Variants in PLA2R1 observed in about 807,000 individuals in gnomAD.
The protein encoded by PLA2R1 is phospholipase A2 receptor 1.
PLA2R1 carries 158 observed loss-of-function variants against 195.9 expected under a neutral mutation model. The ratio of observed to expected loss-of-function variants is 0.81; its 90% CI spans 0.71 to 0.92. The LOEUF (loss-of-function observed/expected upper bound fraction) is 0.92, where lower values mean the gene tolerates loss of function less well. Among genes scored for constraint, PLA2R1 ranks in the 40% least tolerant of loss-of-function variants. The pLI is 0.00. For missense variants in PLA2R1, 1,626 were observed against 1,764.6 expected (o/e 0.92, Z 1.41); for synonymous variants, 586 against 598.2 (o/e 0.98, Z 0.30).
At chr2:159,929,787 GTATATGTATATGTATATATC>G (rs1455629244), downstream of PLA2R1, among the ~76,000 whole-genome samples, 1 of 150,368 alleles carries the variant, frequency 6.7e-6, no homozygotes, top group Non-Finnish European at 1.5e-5. Context: ...TAAAGAAATT[GTATATGTATATGTATATATC>G]TATATGTATA....
In PLA2R1 at chr2:160,013,369, C is replaced by T. The variant is rs771556777; in HGVS notation, c.1558G>A (p.Glu520Lys). The T allele has an allele frequency of 6.3e-7, 1 of 1,584,312 alleles. No homozygotes were observed. Among genetic ancestry groups the T allele is most frequent in the Non-Finnish European group, 8.7e-7 (1 of 1,154,440 alleles). ...TTGTAACAGAATCCACCATGTCTCT[C>T]CCATCCCTTAAAAAGAATAAAAGGG... ...DAESGCQEGW[E>K]RHGGFCYKID... Residue 520 changes from glutamate (E) to lysine (K), a missense_variant, in exon 10 of 30, where the codon GAG becomes AAG. Coordinates refer to ENST00000283243, the MANE Select transcript of PLA2R1 (RefSeq NM_007366.5).
In PLA2R1 at chr2:159,940,966, A is replaced by G. The variant is rs1687057936; in HGVS notation, c.*812T>C. On this transcript the variant is annotated 3_prime_UTR_variant, in exon 30 of 30. Transcript: ENST00000283243. Reference sequence around the variant, plus strand: ...ATTTTATATATTTAGTTTTTCAGAAAGTCCATGAGTTTTAACAGTACAACT... The same window carrying G: ...ATTTTATATATTTAGTTTTTCAGAAGGTCCATGAGTTTTAACAGTACAACT... 1.3e-5 allele frequency: 2 copies of G among 152,178 alleles called. No individual in the cohort carries two copies. The highest frequency in any genetic ancestry group is 4.8e-5 in the African/African-American group (2 of 41,446). 9.4% of individuals were successfully genotyped at this position (152,178 alleles called of 1,614,324 possible).
At chr2:160,032,654 G>A (rs1693928670) in intron 4 of PLA2R1, among the ~76,000 whole-genome samples, 1 of 152,306 alleles carries the variant, frequency 6.6e-6, no homozygotes, top group East Asian at 1.9e-4. Flanking sequence ...AGAAGAGCAA[G>A]CAAATAGCCC....
Position 160,012,293 on chromosome 2 carries a change from C to T in PLA2R1, c.1664+970G>A, listed in dbSNP as rs114173683. Among the ~76,000 whole-genome samples, 918 of 152,262 alleles carry T rather than the reference C, an allele frequency of 6.0e-3. 3 individuals are homozygous for T. The highest frequency in any genetic ancestry group is 0.013 in the South Asian group (63 of 4,808). ...AGTTCTACCCCGCTTCTGTCTTCCC[C>T]AGGAGGAGTGGGTCTCCCAGGTGTT... On this transcript the variant is annotated intron_variant, in intron 10 of 29. Coordinates refer to ENST00000283243, the MANE Select transcript of PLA2R1 (RefSeq NM_007366.5).
chr2:159,944,909 C>A lies in PLA2R1; in HGVS notation c.4141G>T (p.Ala1381Ser), dbSNP rs1483736953. 1 of 1,609,546 alleles carries A rather than the reference C, an allele frequency of 6.2e-7. No homozygotes were observed. The highest frequency in any genetic ancestry group is 1.3e-5 in the African/African-American group (1 of 74,774). ...EKKGFICKME[A>S]DIHTAEALPE... The stretch of plus-strand genomic sequence containing the variant: ...ATTACTCTCTGACTTTACCTACCTG[C>A]CTCCATTTTACATATAAAGCCTTTT... The change falls in exon 28 of 30, where the codon GCA becomes TCA. Residue 1381 changes from alanine to serine, a missense_variant. By Grantham distance (99) the Ala-to-Ser change is moderately conservative. Transcript: ENST00000283243.
At chr2:160,050,323 G>T (rs1357908597) in intron 1 of PLA2R1, among the ~76,000 whole-genome samples, 1 of 152,200 alleles carries the variant, frequency 6.6e-6, no homozygotes, top group African/African-American at 2.4e-5. Context: ...GACAAAGCAG[G>T]GCAGTGCTGG....
chr2:160,015,078 A>C (rs6704861), intron 9 of PLA2R1, among the ~76,000 whole-genome samples: 110,041 of 151,640 alleles, frequency 0.73, 40,345 homozygotes, highest in East Asian at 0.87. Flanking sequence ...TCAGAAACAC[A>C]GACTTGTTAC....
rs1392794399 is a variant in PLA2R1 at position 159,956,838 on chromosome 2, A to G, written c.2905-211T>C. ...GAGTTAATGACTTGCCTGCATTTGC[A>G]GCAGGCAGGAACAGAAGCAGGGATG... On this transcript the variant is annotated intron_variant, in intron 20 of 29. Coordinates refer to ENST00000283243, the MANE Select transcript of PLA2R1 (RefSeq NM_007366.5). 2.0e-5 allele frequency among the ~76,000 whole-genome samples: 3 copies of G among 152,186 alleles called. No homozygotes were observed. The East Asian group carries it at 5.8e-4, about 29-fold the overall frequency.
rs754591691 is a variant in PLA2R1 at position 159,941,854 on chromosome 2, T to C, written c.4316A>G (p.Tyr1439Cys). The change falls in exon 30 of 30, where the codon TAT becomes TGT. Residue 1439 changes from tyrosine to cysteine, a missense_variant. By Grantham distance (194) the Tyr-to-Cys change is radical. Transcript: ENST00000283243. ...RRLAGFRNPY[Y>C]PATNFSTVYL... ...TACTGTACTAAAGTTGGTTGCAGGA[T>C]AGTAAGGATTCCGAAACCCTGCAAG... 14 of 1,613,152 alleles carry C rather than the reference T, an allele frequency of 8.7e-6. No individual in the cohort carries two copies. Among genetic ancestry groups the C allele is most frequent in the East Asian group, 2.2e-5 (1 of 44,882 alleles).
chr2:160,030,199 C>T (rs193254768), intron 4 of PLA2R1, among the ~76,000 whole-genome samples: 102 of 152,302 alleles, frequency 6.7e-4, no homozygotes, highest in Non-Finnish European at 1.1e-3. Flanking sequence ...GAAACTAACC[C>T]ATTTAAGAAA....
chr2:159,967,631 T>G lies in PLA2R1; in HGVS notation c.2812A>C (p.Lys938Gln). The G allele has an allele frequency of 6.2e-7, 1 of 1,613,800 alleles. No individual in the cohort carries two copies. The highest frequency in any genetic ancestry group is 8.5e-7 in the Non-Finnish European group (1 of 1,179,730). Reference protein sequence around the residue: ...ECSVSMPSICKRKKVWLIEKK... With the variant: ...ECSVSMPSICQRKKVWLIEKK... ...TCTATGAGCCAAACCTTTTTTCGCT[T>G]ACAGATACTAGGCATAGAAACTGAA... The change falls in exon 20 of 30, where the codon AAG (lysine) becomes CAG (glutamine). Residue 938 changes from lysine to glutamine, a missense_variant. Transcript: ENST00000283243.
chr2:160,057,478 T>A (rs555753368), intron 1 of PLA2R1, among the ~76,000 whole-genome samples: 1 of 152,234 alleles, frequency 6.6e-6, no homozygotes, highest in Non-Finnish European at 1.5e-5. Context: ...GCCTGACACG[T>A]GATCCTGGGC....
At chr2:159,946,122 T>C (rs1448263152) in intron 27 of PLA2R1, 2 of 781,096 alleles carry the variant, frequency 2.6e-6, no homozygotes, top group African/African-American at 1.9e-5. Context: ...AATAGTGTAT[T>C]GTCTGAAAAT....
At chr2:160,017,197 C>T (rs1322621202) in intron 8 of PLA2R1, among the ~76,000 whole-genome samples, 1 of 152,162 alleles carries the variant, frequency 6.6e-6, no homozygotes, top group Non-Finnish European at 1.5e-5. Context: ...CCATGGTTCT[C>T]AATCTCGAGT....
chr2:159,979,327 A>G (rs1008039041), intron 14 of PLA2R1, among the ~76,000 whole-genome samples: 2 of 152,298 alleles, frequency 1.3e-5, no homozygotes, highest in African/African-American at 2.4e-5. Flanking sequence ...AATGAAAACC[A>G]AGACTTTTTT....
At chr2:160,062,012 A>C (rs1214923633) in intron 1 of PLA2R1, among the ~76,000 whole-genome samples, 1 of 152,044 alleles carries the variant, frequency 6.6e-6, no homozygotes, top group Non-Finnish European at 1.5e-5. Flanking sequence ...CAGAGCCGAG[A>C]GGAGTTACCT....
At chr2:160,004,735 C>T (rs1305870380) in intron 11 of PLA2R1, among the ~76,000 whole-genome samples, 1 of 151,820 alleles carries the variant, frequency 6.6e-6, no homozygotes. Context: ...CTGTCAACCT[C>T]AGCTTAATAC....
intron 10 of PLA2R1, among the ~76,000 whole-genome samples, chr2:160,011,625 T>G (rs1374081407): frequency 1.3e-5 from 2 of 152,192 alleles, no homozygotes; most frequent in African/African-American, 2.4e-5. Context: ...TTGGACTTAT[T>G]TTCTTTGGTA....
At chr2:160,038,520 T>C (rs553840048) in intron 3 of PLA2R1, among the ~76,000 whole-genome samples, 8 of 152,288 alleles carry the variant, frequency 5.3e-5, no homozygotes, top group African/African-American at 1.9e-4. Context: ...TTGGCCCATG[T>C]AGGAGGAGGA....
Sources: gnomAD v4.1 joint callset for allele counts (sites outside exome capture counted in the v4.1 genomes callset) on GRCh38, gnomAD v4.1.1 for gene constraint, MANE v1.5 for transcripts, NCBI Gene and HGNC (gene_info 2026-07-23, HGNC 2026-07-21) for gene names.